Variants in HGF observed in about 807,000 individuals in gnomAD.
HGF encodes the protein fibroblast-derived tumor cytotoxic factor.
In HGF, 39 loss-of-function variants were observed where a neutral mutation model predicts 111.6. That is an observed-to-expected ratio of 0.35 (90% confidence interval 0.27 to 0.46). HGF has a LOEUF of 0.46. Among genes scored for constraint, HGF ranks in the 20% least tolerant of loss-of-function variants. HGF has a pLI of 1.00. For synonymous variants in HGF, 285 were observed against 294.8 expected, an observed-to-expected ratio of 0.97 and a Z score of 0.34; for missense variants, 735 against 910.5, an observed-to-expected ratio of 0.81 and a Z score of 2.48.
At chr7:81,707,709 T>C (rs1370349041) in intron 13 of HGF, among the ~76,000 whole-genome samples, 4 of 152,154 alleles carry the variant, frequency 2.6e-5, no homozygotes, top group Admixed American at 2.0e-4. Context: ...TATAGGATAA[T>C]TATAATTTCT....
rs190760998 is a variant in HGF at position 81,764,413 on chromosome 7, A to T, written c.89-1541T>A. On this transcript the variant is annotated intron_variant, in intron 1 of 17. Transcript: ENST00000222390. ...AATTTTGCTTTGCCTTACAGGATAGAATGGCTATGGTACAACAGATACAGT... is the reference window on the plus strand; with the variant it reads ...AATTTTGCTTTGCCTTACAGGATAGTATGGCTATGGTACAACAGATACAGT... Among the ~76,000 whole-genome samples, 390 of 152,278 alleles carry T rather than the reference A, an allele frequency of 2.6e-3. 5 individuals carry two copies. The highest frequency in any genetic ancestry group is 0.022 in the South Asian group (105 of 4,828).
intron 4 of HGF, chr7:81,756,080 C>T (rs1788755733): frequency 1.4e-6 from 1 of 701,286 alleles, no homozygotes; most frequent in Non-Finnish European, 2.6e-6. Context: ...AAACAAATCA[C>T]AGCATGGGTT....
intron 13 of HGF, among the ~76,000 whole-genome samples, chr7:81,707,828 C>T (rs1273756635): frequency 6.6e-6 from 1 of 152,072 alleles, no homozygotes; most frequent in Non-Finnish European, 1.5e-5. Flanking sequence ...TATTCGTGCA[C>T]TATTTCCTTC....
intron 7 of HGF, among the ~76,000 whole-genome samples, chr7:81,739,338 C>A (rs1391467847): frequency 6.6e-6 from 1 of 152,062 alleles, no homozygotes; most frequent in Non-Finnish European, 1.5e-5. Context: ...TTCTTCACCT[C>A]ATCATACTTC....
intron 7 of HGF, chr7:81,742,693 C>T (rs988863160): frequency 2.6e-5 from 36 of 1,371,570 alleles, no homozygotes; most frequent in Middle Eastern, 2.8e-4. Flanking sequence ...ATATAAAACA[C>T]GTTAAAAAAT....
intron 9 of HGF, among the ~76,000 whole-genome samples, chr7:81,722,790 G>A (rs1377127879): frequency 7.2e-6 from 1 of 138,562 alleles, no homozygotes; most frequent in Admixed American, 7.2e-5. Context: ...ATCCAGCCTG[G>A]GCGACAGAGC....
intron 4 of HGF, chr7:81,755,053 C>T (rs1788692127): frequency 6.6e-6 from 1 of 152,000 alleles, no homozygotes; most frequent in South Asian, 2.1e-4. Flanking sequence ...CCTTTGTTTT[C>T]TTTTAATATT....
At chr7:81,748,129 A>G (rs1159253345) in intron 5 of HGF, among the ~76,000 whole-genome samples, 3 of 152,064 alleles carry the variant, frequency 2.0e-5, no homozygotes, top group African/African-American at 7.2e-5. Flanking sequence ...CATTATCCCA[A>G]ACTGCCTTTT....
chr7:81,743,543 T>A (rs1788096413), intron 6 of HGF, 72 bp from the exon 7 acceptor site: 1 of 983,850 alleles, frequency 1.0e-6, no homozygotes, highest in Admixed American at 1.7e-5. Context: ...GCTCACAAAA[T>A]AACTTTCCAC....
chr7:81,738,491 C>T (rs1257307629), intron 7 of HGF, among the ~76,000 whole-genome samples: 1 of 152,040 alleles, frequency 6.6e-6, no homozygotes, highest in African/African-American at 2.4e-5. Flanking sequence ...AGGTATATAT[C>T]CCCTCCTGAG....
At position 81,702,474 on chromosome 7, in the gene HGF, T is replaced by C. The variant is rs1295996636; in HGVS notation, c.*107A>G. 2.3e-6 allele frequency: 2 copies of C among 868,808 alleles called. No individual in the cohort carries two copies. The highest frequency in any genetic ancestry group is 3.8e-6 in the Non-Finnish European group (2 of 524,468). The allele number at this position is 868,808 out of a possible 1,614,324, so 53.8% of individuals were successfully genotyped here. A position where few individuals can be genotyped will look rare whatever the true frequency, so the allele number is the denominator to read the frequency against. ...AATTTCAACAAACATGACTCTCCAG[T>C]AGTTGTCTTAGGATTGTTGTAAGTG... is the stretch of plus-strand genomic sequence containing the variant. On this transcript the variant is annotated 3_prime_UTR_variant, in exon 18 of 18. Transcript: ENST00000222390.
chr7:81,738,011 A>G (rs1787889447), intron 7 of HGF, among the ~76,000 whole-genome samples: 1 of 152,080 alleles, frequency 6.6e-6, no homozygotes, highest in African/African-American at 2.4e-5. Context: ...TCTTACTTAA[A>G]GTGGCAGCTA....
chr7:81,739,843 C>T (rs541395952), intron 7 of HGF, among the ~76,000 whole-genome samples: 5 of 151,938 alleles, frequency 3.3e-5, no homozygotes, highest in Non-Finnish European at 5.9e-5. Flanking sequence ...AGGTAAGATC[C>T]CTCCCTTTGC....
Position 81,751,630 on chromosome 7 carries a change from G to C in HGF, c.625+490C>G, listed in dbSNP as rs143596094. On this transcript the variant is annotated intron_variant, in intron 5 of 17. Coordinates refer to ENST00000222390, the MANE Select transcript of HGF (RefSeq NM_000601.6). The stretch of plus-strand genomic sequence containing the variant: ...GCACATTTTCACCAAAATGTGCATG[G>C]GGTCAAGCTTCCAGTGATCCCTTCT... 157 of 995,618 alleles carry C rather than the reference G, an allele frequency of 1.6e-4. 1 individual carries two copies. The African/African-American group carries it at 2.5e-3, about 16-fold the overall frequency. 61.7% of individuals were successfully genotyped at this position (995,618 alleles called of 1,614,324 possible). A position where few individuals can be genotyped will look rare whatever the true frequency, so the allele number is the denominator to read the frequency against.
intron 13 of HGF, 77 bp from the exon 14 acceptor site, chr7:81,707,441 T>C (rs1166423910): frequency 1.9e-5 from 16 of 837,134 alleles, no homozygotes; most frequent in Non-Finnish European, 3.1e-5. Context: ...AGCCTGTGGC[T>C]CCATTTGTTA....
chr7:81,736,909 G>GTGTGTGTA (rs1238099374), intron 7 of HGF, among the ~76,000 whole-genome samples: 1 of 151,258 alleles, frequency 6.6e-6, no homozygotes, highest in Admixed American at 6.6e-5. Flanking sequence ...GTGTGTGTGT[G>GTGTGTGTA]TGTGTGTGTG....
At chr7:81,729,480 A>T in intron 8 of HGF, 125 bp downstream of exon 8, 1 of 749,208 alleles carries the variant, frequency 1.3e-6, no homozygotes, top group East Asian at 2.6e-5. Flanking sequence ...TCTGCCTTTT[A>T]ACTCCTGATT....
intron 8 of HGF, among the ~76,000 whole-genome samples, chr7:81,727,040 T>C (rs533327225): frequency 3.8e-5 from 2 of 52,964 alleles, no homozygotes; most frequent in African/African-American, 1.2e-4. Flanking sequence ...AAACTGAGGT[T>C]TTTTTTTTGT....
intron 1 of HGF, among the ~76,000 whole-genome samples, chr7:81,764,569 T>C (rs1789263668): frequency 6.6e-6 from 1 of 152,148 alleles, no homozygotes; most frequent in African/African-American, 2.4e-5. Flanking sequence ...TTTAATTACC[T>C]GAAATGTTAA....
Sources: allele counts gnomAD v4.1 joint callset (sites outside exome capture counted in the v4.1 genomes callset), GRCh38; gene constraint gnomAD v4.1.1; transcripts MANE v1.5; gene names NCBI Gene and HGNC (gene_info 2026-07-23, HGNC 2026-07-21).